The following PHF12 variants were observed in gnomAD, a reference collection of about 807,000 sequenced individuals.
PHF12 encodes PHD factor 1.
Under a neutral mutation model 99.8 loss-of-function variants are expected in PHF12, and 6 were observed. The ratio of observed to expected loss-of-function variants is 0.06; its 90% confidence interval spans 0.03 to 0.12. PHF12 has a LOEUF of 0.12. Ranked by LOEUF, PHF12 falls within the 10% of genes least tolerant of loss-of-function variation. The pLI, the probability that PHF12 is intolerant of heterozygous loss-of-function variation, is 1.00. For synonymous variants in PHF12, 480 were observed against 514.9 expected, an observed-to-expected ratio of 0.93 and a Z score of 0.92; for missense variants, 954 against 1,300.1, an observed-to-expected ratio of 0.73 and a Z score of 4.09.
rs201077784 is a variant in PHF12, at chr17:28,917,449, G to T, written c.970C>A (p.Leu324Met). 33 of 1,603,078 alleles carry T rather than the reference G, an allele frequency of 2.1e-5. No homozygotes were observed. The African/African-American group carries it at 3.5e-4, about 17-fold the overall frequency. The part of the protein sequence containing the change: ...MCPNHIEHVV[L>M]NQKNMTLSNR... ...CTCAGTGTCATATTCTTCTGGTTCA[G>T]CTAGGGACAAAGCAGACACAACCTT... The change falls in exon 7 of 15, where the codon CTG becomes ATG. Residue 324 changes from leucine (L) to methionine (M), a missense_variant and splice_region_variant. Physicochemically the swap from Leu to Met is conservative, Grantham distance 15 (BLOSUM62 2). Coordinates refer to ENST00000332830, the MANE Select transcript of PHF12 (RefSeq NM_001033561.2).
chr17:28,948,302 A>G (rs113693421), intron 2 of PHF12, among the ~76,000 whole-genome samples: 83 of 152,342 alleles, frequency 5.4e-4, no homozygotes, highest in African/African-American at 1.8e-3. Flanking sequence ...AAAAAAATGT[A>G]AGCAACTGGG....
At chr17:28,945,925 G>A (rs2040713369) in intron 2 of PHF12, among the ~76,000 whole-genome samples, 1 of 152,154 alleles carries the variant, frequency 6.6e-6, no homozygotes, top group African/African-American at 2.4e-5. Flanking sequence ...CATGAGGTCA[G>A]GAGTTCGAGA....
intron 8 of PHF12, among the ~76,000 whole-genome samples, chr17:28,913,574 G>A (rs889592850): frequency 5.9e-5 from 9 of 152,174 alleles, no homozygotes; most frequent in Admixed American, 2.0e-4. Flanking sequence ...AGCACCTGTG[G>A]TATGTCCAGC....
chr17:28,916,317 C>T (rs2040060928), intron 7 of PHF12, among the ~76,000 whole-genome samples: 1 of 152,166 alleles, frequency 6.6e-6, no homozygotes, highest in Non-Finnish European at 1.5e-5. Flanking sequence ...GCCTCAGCCT[C>T]CCGAGTAGCT....
At chr17:28,940,717 A>C (rs986136932) in intron 2 of PHF12, among the ~76,000 whole-genome samples, 7 of 152,234 alleles carry the variant, frequency 4.6e-5, no homozygotes, top group African/African-American at 1.7e-4. Context: ...TCACATTCTC[A>C]TTCTTCTTAA....
At chr17:28,925,978 A>T (rs1341787887) in intron 3 of PHF12, 1 of 152,228 alleles carries the variant, frequency 6.6e-6, no homozygotes, top group Non-Finnish European at 1.5e-5. Flanking sequence ...GCCCTGCTCT[A>T]ACCTAATTAG....
At chr17:28,928,744 T>C (rs1285523306) in intron 2 of PHF12, among the ~76,000 whole-genome samples, 1 of 151,866 alleles carries the variant, frequency 6.6e-6, no homozygotes, top group Non-Finnish European at 1.5e-5. Flanking sequence ...ATTATGTCAT[T>C]GCACTCCAGC....
At chr17:28,938,065 A>G (rs1189165105) in intron 2 of PHF12, among the ~76,000 whole-genome samples, 6 of 152,196 alleles carry the variant, frequency 3.9e-5, no homozygotes, top group Non-Finnish European at 8.8e-5. Context: ...ATTTTAACAG[A>G]CTATCAAGAA....
chr17:28,917,462 C>A lies in PHF12; in HGVS notation c.970-13G>T. 1 of 1,590,988 alleles carries A rather than the reference C, an allele frequency of 6.3e-7. No individual in the cohort carries two copies. The highest frequency in any genetic ancestry group is 8.6e-7 in the Non-Finnish European group (1 of 1,167,152). ...TCTTCTGGTTCAGCTAGGGACAAAG[C>A]AGACACAACCTTGTGGTGAGCCTCA... On this transcript the variant is annotated splice_polypyrimidine_tract_variant and intron_variant, in intron 6 of 14. Transcript: ENST00000332830.
chr17:28,912,745 C>T lies in PHF12; in HGVS notation c.1826G>A (p.Gly609Asp). The T allele has an allele frequency of 6.2e-7, 1 of 1,614,182 alleles. No individual in the cohort carries two copies. The highest frequency in any genetic ancestry group is 8.5e-7 in the Non-Finnish European group (1 of 1,180,022). ...ACTCCTCTGGGGGCAAGAGCTGGGG[C>T]CAGTGGCATTCTCTGTCTTCACAAT... ...GIIVKTENAT[G>D]PSSCPQRSLV... Residue 609 changes from glycine (G) to aspartate (D), a missense_variant, in exon 9 of 15, where the codon GGC becomes GAC. Physicochemically the swap from Gly to Asp is moderately conservative, Grantham distance 94. Coordinates refer to ENST00000332830, the MANE Select transcript of PHF12 (RefSeq NM_001033561.2).
chr17:28,923,565 C>T (rs566994510), intron 4 of PHF12, among the ~76,000 whole-genome samples: 18 of 140,278 alleles, frequency 1.3e-4, no homozygotes, highest in African/African-American at 4.3e-4. Flanking sequence ...GGCTGAAGCA[C>T]GAGAATCGCC....
intron 8 of PHF12, among the ~76,000 whole-genome samples, chr17:28,913,503 G>C (rs2040007031): frequency 1.3e-5 from 2 of 152,160 alleles, no homozygotes; most frequent in African/African-American, 4.8e-5. Context: ...CAGAGCTTGG[G>C]ATCTGCATTT....
intron 2 of PHF12, among the ~76,000 whole-genome samples, chr17:28,945,906 C>A (rs1452111570): frequency 1.3e-5 from 2 of 152,080 alleles, no homozygotes; most frequent in East Asian, 1.9e-4. Context: ...GAGGCCGAGG[C>A]GGGTGGATCA....
chr17:28,948,688 C>T (rs1207966692), intron 2 of PHF12, among the ~76,000 whole-genome samples: 1 of 152,192 alleles, frequency 6.6e-6, no homozygotes, highest in Non-Finnish European at 1.5e-5. Context: ...AGACACTACT[C>T]CACAAACCGA....
chr17:28,924,352 G>A, intron 3 of PHF12, 50 bp from the exon 4 acceptor site: 1 of 1,612,616 alleles, frequency 6.2e-7, no homozygotes, highest in Non-Finnish European at 8.5e-7. Context: ...ATGAAACAAA[G>A]AGATGGGTGC....
chr17:28,950,016 C>T lies in PHF12; in HGVS notation c.248+49G>A, dbSNP rs371236911. 6 of 1,502,370 alleles carry T rather than the reference C, an allele frequency of 4.0e-6. No homozygotes were observed. Among genetic ancestry groups the T allele is most frequent in the Non-Finnish European group, 5.4e-6 (6 of 1,117,680 alleles). 93.1% of individuals were successfully genotyped at this position (1,502,370 alleles called of 1,614,324 possible). A position where few individuals can be genotyped will look rare whatever the true frequency, so the allele number is the denominator to read the frequency against. ...CAGGGGCAGGCCGGGTGAAGGAATG[C>T]GCAGAGAAGGGTCCGCCAAGAAGCT... On this transcript the variant is annotated intron_variant, in intron 2 of 14. Transcript: ENST00000332830. This position sits in a 1 kb window ranked among gnomAD's most constrained non-coding sequence, Gnocchi z 5.7.
chr17:28,944,458 C>T (rs1169942059), intron 2 of PHF12: 2 of 957,186 alleles, frequency 2.1e-6, no homozygotes, highest in African/African-American at 3.5e-5. Flanking sequence ...CTAAGCCCTA[C>T]ATTAAGAAGC....
intron 3 of PHF12, chr17:28,926,213 T>C (rs2040270234): frequency 6.5e-6 from 1 of 155,036 alleles, no homozygotes; most frequent in South Asian, 1.8e-4. Flanking sequence ...TCTCATCCTG[T>C]TTCTGCAACC....
intron 7 of PHF12, among the ~76,000 whole-genome samples, chr17:28,914,257 G>A (rs141182746): frequency 1.4e-4 from 21 of 152,260 alleles, no homozygotes; most frequent in Middle Eastern, 3.4e-3. Flanking sequence ...AAACCACTGC[G>A]TTCTGTCTTC....
Sources: allele counts gnomAD v4.1 joint callset (sites outside exome capture counted in the v4.1 genomes callset), GRCh38; gene constraint gnomAD v4.1.1; non-coding constraint Gnocchi (gnomAD v3.1); transcripts MANE v1.5; gene names NCBI Gene and HGNC (gene_info 2026-07-23, HGNC 2026-07-21).